The following EYS variants were observed in gnomAD, a reference collection of about 807,000 sequenced individuals.
EYS encodes the protein protein eyes shut homolog.
In EYS, 250 loss-of-function variants were observed where a neutral mutation model predicts 282.1. The observed-to-expected ratio is 0.89, with a 90% CI of 0.80 to 0.98. The LOEUF (loss-of-function observed/expected upper bound fraction) is 0.98, where lower values mean the gene tolerates loss of function less well. EYS is among the 50% of genes least tolerant of loss of function. The probability of loss-of-function intolerance (pLI) is 0.00; values close to 1 mark genes in which losing one functional copy is unlikely to be tolerated. For missense variants in EYS, 4,016 were observed against 3,709.0 expected (o/e 1.08, Z -2.15); for synonymous variants, 1,355 against 1,282.9 (o/e 1.06, Z -1.20).
chr6:64,378,812 T>C (rs1472534844), intron 29 of EYS, among the ~76,000 whole-genome samples: 8 of 152,156 alleles, frequency 5.3e-5, no homozygotes, highest in Non-Finnish European at 8.8e-5. Context: ...CTTGTAGTGA[T>C]ATTACTGGCT....
intron 24 of EYS, among the ~76,000 whole-genome samples, chr6:64,616,460 G>A (rs894003597): frequency 1.1e-4 from 17 of 152,106 alleles, no homozygotes; most frequent in African/African-American, 3.9e-4. Flanking sequence ...ATGAGCCCTG[G>A]GAATATCCTT....
Position 63,806,206 on chromosome 6 carries a change from A to T in EYS, c.7395T>A (p.Thr2465=). ...SALQNNLIFF[T]GQKGHGLNGD... ...TAATCTTACCATGGCCTTTCTGTCC[A>T]GTAAAAAATATCAAGTTATTTTGCA... The change falls in exon 37 of 43, where the codon ACT becomes ACA. Residue 2465 remains threonine, a synonymous_variant. Coordinates refer to ENST00000503581, the MANE Select transcript of EYS (RefSeq NM_001142800.2). The T allele has an allele frequency of 6.4e-7, 1 of 1,551,486 alleles. No individual in the cohort carries two copies. The highest frequency in any genetic ancestry group is 8.7e-7 in the Non-Finnish European group (1 of 1,146,822).
chr6:64,439,195 A>G lies in EYS; in HGVS notation c.5802T>C (p.Phe1934=). ...KQDSNLVDGF[F]IQLFIENGTL... ...TACCATTTTCAATAAACAATTGAAT[A>G]AAAAATCCATCTACTAAATTTGAGT... The change falls in exon 27 of 43, where the codon TTT becomes TTC. Residue 1934 remains phenylalanine, a synonymous_variant. Coordinates refer to ENST00000503581, the MANE Select transcript of EYS (RefSeq NM_001142800.2). 2 of 1,478,230 alleles carry G rather than the reference A, an allele frequency of 1.4e-6. No individual in the cohort carries two copies. The highest frequency in any genetic ancestry group is 1.8e-6 in the Non-Finnish European group (2 of 1,115,864). The allele number at this position is 1,478,230 out of a possible 1,614,324, so 91.6% of individuals were successfully genotyped here.
At chr6:64,776,508 G>A (rs1174185417) in intron 22 of EYS, among the ~76,000 whole-genome samples, 2 of 151,852 alleles carry the variant, frequency 1.3e-5, no homozygotes, top group East Asian at 3.9e-4. Flanking sequence ...CTATCTGAAA[G>A]GCTTTCTATT....
chr6:63,920,670 G>A (rs536514295), intron 35 of EYS, among the ~76,000 whole-genome samples: 1 of 152,276 alleles, frequency 6.6e-6, no homozygotes, highest in East Asian at 1.9e-4. Context: ...GACCCTGACT[G>A]CTGTAAGGGG....
chr6:64,200,936 G>A (rs1422510578), intron 31 of EYS, among the ~76,000 whole-genome samples: 2 of 151,920 alleles, frequency 1.3e-5, no homozygotes, highest in South Asian at 4.2e-4. Context: ...TCCACTAATT[G>A]TATTTTTATA....
intron 2 of EYS, among the ~76,000 whole-genome samples, chr6:65,591,725 G>A (rs1324000262): frequency 6.6e-6 from 1 of 151,928 alleles, no homozygotes; most frequent in Non-Finnish European, 1.5e-5. Context: ...ATGTACTACT[G>A]ATTCTTCAGC....
At chr6:64,614,966 A>T (rs1321320447) in intron 24 of EYS, among the ~76,000 whole-genome samples, 1 of 152,082 alleles carries the variant, frequency 6.6e-6, no homozygotes, top group African/African-American at 2.4e-5. Flanking sequence ...TTCGTCCTTC[A>T]GGAGTTTACA....
chr6:65,296,069 T>C lies in EYS; in HGVS notation c.1817A>G (p.Asp606Gly). 4 of 1,550,598 alleles carry C rather than the reference T, an allele frequency of 2.6e-6. No homozygotes were observed. Among genetic ancestry groups the C allele is most frequent in the African/African-American group, 1.4e-5 (1 of 73,106 alleles). Reference sequence around the variant, plus strand: ...TATACTGTGGTTCCCTAAGCAATAGTCAACATTGACAACACACAATCTGCC... The same window carrying C: ...TATACTGTGGTTCCCTAAGCAATAGCCAACATTGACAACACACAATCTGCC... Reference protein sequence around the residue: ...YIGRLCVVNVDYCLGNHSISV... With the variant: ...YIGRLCVVNVGYCLGNHSISV... The change falls in exon 12 of 43, where the codon GAC (aspartate) becomes GGC (glycine). Residue 606 changes from aspartate to glycine, a missense_variant. Coordinates refer to ENST00000503581, the MANE Select transcript of EYS (RefSeq NM_001142800.2).
At chr6:64,822,613 T>C in intron 20 of EYS, 38 bp downstream of exon 20, 1 of 1,447,308 alleles carries the variant, frequency 6.9e-7, no homozygotes, top group East Asian at 2.5e-5. Context: ...GTGAGTTAAA[T>C]ATACTTTCAT....
chr6:63,863,916 C>T (rs2149709553), intron 36 of EYS, among the ~76,000 whole-genome samples: 1 of 152,140 alleles, frequency 6.6e-6, no homozygotes, highest in African/African-American at 2.4e-5. Flanking sequence ...CCTCGTGATC[C>T]ACCCGCCTCA....
Position 64,972,760 on chromosome 6 carries a change from T to C in EYS, c.2259+24822A>G, listed in dbSNP as rs536645925. Among the ~76,000 whole-genome samples, 283 of 152,210 alleles carry C rather than the reference T, an allele frequency of 1.9e-3. 2 individuals are homozygous for C. Among genetic ancestry groups the C allele is most frequent in the African/African-American group, 6.7e-3 (278 of 41,558 alleles). The stretch of plus-strand genomic sequence containing the variant: ...AGTAATTGTTTGAGGAGTCAAAAGT[T>C]TTACATAGATTTTGACTATTTCAGG... On this transcript the variant is annotated intron_variant, in intron 14 of 42. Transcript: ENST00000503581.
chr6:64,995,720 C>CA (rs565543746), intron 14 of EYS, among the ~76,000 whole-genome samples: 2 of 148,428 alleles, frequency 1.3e-5, no homozygotes, highest in South Asian at 4.3e-4. Flanking sequence ...CTGCTTCCCC[C>CA]CCGCCCCATA....
intron 31 of EYS, among the ~76,000 whole-genome samples, chr6:64,085,845 T>G (rs1215260442): frequency 6.6e-6 from 1 of 152,184 alleles, no homozygotes; most frequent in Non-Finnish European, 1.5e-5. Context: ...TTTACCTACC[T>G]GGTTCTGCAT....
At chr6:65,092,987 A>T (rs117274354) in intron 12 of EYS, among the ~76,000 whole-genome samples, 2 of 152,232 alleles carry the variant, frequency 1.3e-5, no homozygotes, top group Admixed American at 1.3e-4. Flanking sequence ...CCCCTAATAC[A>T]TTGATGCATT....
chr6:64,679,689 G>A (rs537464329), intron 22 of EYS, among the ~76,000 whole-genome samples: 1 of 152,230 alleles, frequency 6.6e-6, no homozygotes, highest in African/African-American at 2.4e-5. Context: ...ACAACTGAGT[G>A]TGTTGTCATC....
chr6:64,121,200 C>G (rs968858713), intron 31 of EYS, among the ~76,000 whole-genome samples: 4 of 152,274 alleles, frequency 2.6e-5, no homozygotes, highest in African/African-American at 9.6e-5. Context: ...CATAATCATG[C>G]GGATGAGCAG....
intron 22 of EYS, among the ~76,000 whole-genome samples, chr6:64,735,045 C>A (rs1772139070): frequency 6.6e-6 from 1 of 152,164 alleles, no homozygotes; most frequent in Middle Eastern, 3.4e-3. Flanking sequence ...AGTGTCTAGT[C>A]TAAATGACTT....
intron 22 of EYS, among the ~76,000 whole-genome samples, chr6:64,745,895 T>A (rs1772541808): frequency 6.6e-6 from 1 of 152,186 alleles, no homozygotes; most frequent in Non-Finnish European, 1.5e-5. Context: ...ACATTTGATC[T>A]CATTCCATTT....
Sources: gnomAD v4.1 joint callset for allele counts (sites outside exome capture counted in the v4.1 genomes callset) on GRCh38, gnomAD v4.1.1 for gene constraint, MANE v1.5 for transcripts, NCBI Gene and HGNC (gene_info 2026-07-23, HGNC 2026-07-21) for gene names.